ZNF451: variants seen among roughly 807,000 people sequenced by gnomAD.
The protein encoded by ZNF451 is E3 SUMO-protein ligase ZNF451.
A neutral mutation model predicts 107.1 loss-of-function variants in ZNF451; 80 were observed. The observed-to-expected ratio is 0.75, with a 90% CI of 0.62 to 0.90. The LOEUF (loss-of-function observed/expected upper bound fraction) is 0.90. Ranked by LOEUF, ZNF451 falls within the 40% of genes least tolerant of loss-of-function variation. The pLI is 0.00. For synonymous variants in ZNF451, 362 were observed against 406.5 expected (o/e 0.89, Z 1.32); for missense variants, 1,107 against 1,236.2 (o/e 0.90, Z 1.57).
intron 14 of ZNF451, chr6:57,165,388 C>T (rs1763851395): frequency 6.6e-6 from 1 of 150,752 alleles, no homozygotes. Flanking sequence ...CCACAGGTCC[C>T]TTGGACTCTG....
At chr6:57,093,780 G>T (rs1209494179) in intron 2 of ZNF451, among the ~76,000 whole-genome samples, 1 of 152,242 alleles carries the variant, frequency 6.6e-6, no homozygotes, top group African/African-American at 2.4e-5. Context: ...AAAGCAGAGA[G>T]GATTATGTGT....
chr6:57,127,225 C>A (rs997281204), intron 4 of ZNF451, among the ~76,000 whole-genome samples: 1 of 152,104 alleles, frequency 6.6e-6, no homozygotes, highest in Non-Finnish European at 1.5e-5. Context: ...ACTGCATACT[C>A]TATGTATGAA....
At chr6:57,107,037 A>T in intron 3 of ZNF451, 3 of 964,144 alleles carry the variant, frequency 3.1e-6, no homozygotes, top group Non-Finnish European at 3.7e-6. Context: ...TTGTCTTTTC[A>T]TTTACTTGTT....
chr6:57,110,641 T>C (rs1830063190), intron 3 of ZNF451, among the ~76,000 whole-genome samples: 1 of 152,164 alleles, frequency 6.6e-6, no homozygotes, highest in Non-Finnish European at 1.5e-5. Context: ...GTTAATTTCC[T>C]TGTGTTTTGA....
At chr6:57,107,722 C>T (rs1363783490) in intron 3 of ZNF451, 1 of 985,204 alleles carries the variant, frequency 1.0e-6, no homozygotes, top group African/African-American at 1.7e-5. Flanking sequence ...AATAAGAATT[C>T]TCAGGCTGTC....
chr6:57,161,461 G>A (rs1763670593), intron 14 of ZNF451, among the ~76,000 whole-genome samples: 1 of 151,998 alleles, frequency 6.6e-6, no homozygotes, highest in Non-Finnish European at 1.5e-5. Context: ...GGTTGAATAG[G>A]TATGGCACAG....
intron 13 of ZNF451, chr6:57,159,500 T>G: frequency 9.5e-6 from 4 of 420,506 alleles, no homozygotes; most frequent in Non-Finnish European, 1.3e-5. Context: ...CACAAATTTG[T>G]AAACTTTCTT....
intron 3 of ZNF451, chr6:57,115,946 A>C (rs993537129): frequency 7.9e-5 from 12 of 152,188 alleles, no homozygotes; most frequent in African/African-American, 2.9e-4. Context: ...ACTCAAAATG[A>C]AACTTAAAAA....
At chr6:57,108,375 A>G in intron 3 of ZNF451, 13 of 985,432 alleles carry the variant, frequency 1.3e-5, no homozygotes, top group Non-Finnish European at 1.6e-5. Context: ...TGTGTTTCAC[A>G]CTACCTTGAT....
chr6:57,096,096 T>A (rs918816323), intron 2 of ZNF451, among the ~76,000 whole-genome samples: 4 of 152,030 alleles, frequency 2.6e-5, no homozygotes, highest in African/African-American at 9.7e-5. Context: ...AGTGCTGAGA[T>A]TACAGGCATG....
rs1831793581 is a variant in ZNF451, at chr6:57,142,058, A to G, written c.967A>G (p.Thr323Ala). The stretch of plus-strand genomic sequence containing the variant: ...AGTTAAGTGTGTGGCCTGCCACAAG[A>G]CACTGCGTTCCCACATGGAGCTCAC... Reference protein sequence around the residue: ...FQVKCVACHKTLRSHMELTAH... With the variant: ...FQVKCVACHKALRSHMELTAH... Residue 323 changes from threonine (T) to alanine (A), a missense_variant, in exon 9 of 15, where the codon ACA (threonine) becomes GCA (alanine). Around this residue, in one of 5 missense-constraint regions of ZNF451, gnomAD observed 339 missense variants for 372.8 expected, o/e 0.91. Coordinates refer to ENST00000370706, the MANE Select transcript of ZNF451 (RefSeq NM_001031623.3). 6.2e-7 allele frequency: 1 copy of G among 1,613,844 alleles called. No homozygotes were observed. Among genetic ancestry groups the G allele is most frequent in the South Asian group, 1.1e-5 (1 of 91,046 alleles).
chr6:57,156,679 A>G (rs767988566), intron 13 of ZNF451, among the ~76,000 whole-genome samples: 14 of 152,198 alleles, frequency 9.2e-5, no homozygotes, highest in Non-Finnish European at 1.9e-4. Flanking sequence ...TGTGGTCTCA[A>G]CGCTTCTAGA....
chr6:57,156,714 C>A (rs1287743821), intron 13 of ZNF451, among the ~76,000 whole-genome samples: 1 of 152,150 alleles, frequency 6.6e-6, no homozygotes, highest in Non-Finnish European at 1.5e-5. Context: ...CAAAATTGTC[C>A]TTTGGGATGT....
At chr6:57,120,323 G>A (rs920871619) in intron 3 of ZNF451, among the ~76,000 whole-genome samples, 4 of 152,170 alleles carry the variant, frequency 2.6e-5, no homozygotes, top group Non-Finnish European at 5.9e-5. Flanking sequence ...TTCACCGATT[G>A]AAGGACATCT....
At chr6:57,101,715 G>T in intron 3 of ZNF451, 1 of 1,550,646 alleles carries the variant, frequency 6.4e-7, no homozygotes, top group Non-Finnish European at 8.7e-7. Context: ...CAGGCCTTTG[G>T]CAACTTTGTA....
chr6:57,114,308 G>T (rs898431550), intron 3 of ZNF451, among the ~76,000 whole-genome samples: 1 of 152,144 alleles, frequency 6.6e-6, no homozygotes, highest in Non-Finnish European at 1.5e-5. Flanking sequence ...CTTTTAATTT[G>T]ACTAAGTGTA....
chr6:57,103,844 A>G (rs976969395), intron 3 of ZNF451: 4 of 985,184 alleles, frequency 4.1e-6, no homozygotes, highest in Middle Eastern at 5.2e-4. Flanking sequence ...TTGGAAGCTC[A>G]TTCCTCCTCC....
intron 9 of ZNF451, among the ~76,000 whole-genome samples, chr6:57,146,723 A>G (rs1271718679): frequency 1.3e-5 from 2 of 152,156 alleles, no homozygotes; most frequent in Admixed American, 6.6e-5. Flanking sequence ...GTTGTCTAGA[A>G]TCTTAACCAT....
chr6:57,161,146 A>G lies in ZNF451; in HGVS notation c.3133A>G (p.Thr1045Ala), dbSNP rs776038993. 1 of 1,518,008 alleles carries G rather than the reference A, an allele frequency of 6.6e-7. No homozygotes were observed. Among genetic ancestry groups the G allele is most frequent in the South Asian group, 1.3e-5 (1 of 74,580 alleles). 94.0% of individuals were successfully genotyped at this position (1,518,008 alleles called of 1,614,324 possible). ...NTSIGEEFIS[T>A]EDVELEEAIR... ...TTCAATAGGAGAAGAATTTATATCC[A>G]CAGAAGGTAACCTAATAGAGTTAAT... Residue 1045 changes from threonine to alanine, a missense_variant, in exon 14 of 15, where the codon ACA (threonine) becomes GCA (alanine). Thr to Ala is a moderately conservative substitution (Grantham distance 58). Transcript: ENST00000370706.
Sources: gnomAD v4.1 joint callset for allele counts (sites outside exome capture counted in the v4.1 genomes callset) on GRCh38, gnomAD v4.1.1 for gene constraint, gnomAD v4.1.1 regional missense constraint, MANE v1.5 for transcripts, NCBI Gene and HGNC (gene_info 2026-07-23, HGNC 2026-07-21) for gene names.